CYP3A43: variants seen among roughly 807,000 people sequenced by gnomAD.
The protein encoded by CYP3A43 is cytochrome P450 3A43.
Under a neutral mutation model 58.0 loss-of-function variants are expected in CYP3A43, and 45 were observed. That is an observed-to-expected ratio of 0.78 (90% CI 0.61 to 0.99). The LOEUF (loss-of-function observed/expected upper bound fraction) is 0.99. CYP3A43 is among the 50% of genes least tolerant of loss of function. The probability of loss-of-function intolerance (pLI) is 0.00; values close to 1 mark genes in which losing one functional copy is unlikely to be tolerated. For missense variants in CYP3A43, 593 were observed against 591.9 expected (o/e 1.00, Z -0.02); for synonymous variants, 191 against 201.4 (o/e 0.95, Z 0.44).
chr7:99,861,549 C>T, intron 10 of CYP3A43, 64 bp from the exon 11 acceptor site: 2 of 1,408,542 alleles, frequency 1.4e-6, no homozygotes, highest in Non-Finnish European at 2.0e-6. Context: ...AATAGTACTG[C>T]ATGGACTAAG....
chr7:99,859,480 A>G (rs1162258998), intron 9 of CYP3A43, among the ~76,000 whole-genome samples: 2 of 152,234 alleles, frequency 1.3e-5, no homozygotes, highest in African/African-American at 4.8e-5. Context: ...TTACTTATAG[A>G]TAAAGAACTT....
intron 4 of CYP3A43, among the ~76,000 whole-genome samples, chr7:99,845,369 C>A (rs1817506157): frequency 6.6e-6 from 1 of 151,882 alleles, no homozygotes; most frequent in African/African-American, 2.4e-5. Context: ...GTCACCCAGA[C>A]TGAAGTGCAG....
intron 3 of CYP3A43, chr7:99,839,378 C>A: frequency 2.8e-6 from 2 of 714,070 alleles, no homozygotes; most frequent in Non-Finnish European, 5.1e-6. Context: ...AAACTCCATG[C>A]ATATTCAGTA....
intron 7 of CYP3A43, among the ~76,000 whole-genome samples, chr7:99,850,323 T>C (rs1817711595): frequency 6.6e-6 from 1 of 151,410 alleles, no homozygotes; most frequent in Admixed American, 6.6e-5. Context: ...GTGCAGTGGC[T>C]CAATCTCGGC....
Position 99,844,190 on chromosome 7 carries a change from T to C in CYP3A43, c.266T>C (p.Met89Thr). ...QPMLVIMDPD[M>T]IKTVLVKECY... ...ATGCTGGTCATCATGGATCCCGACA[T>C]GATCAAAACAGTGTTAGTGAAAGAA... Residue 89 changes from methionine to threonine, a missense_variant, in exon 4 of 13, where the codon ATG (methionine) becomes ACG (threonine). Physicochemically the swap from Met to Thr is moderately conservative, Grantham distance 81 (BLOSUM62 -1). Coordinates refer to ENST00000354829, the MANE Select transcript of CYP3A43 (RefSeq NM_057095.3). 1 of 1,613,978 alleles carries C rather than the reference T, an allele frequency of 6.2e-7. No individual in the cohort carries two copies. The highest frequency in any genetic ancestry group is 8.5e-7 in the Non-Finnish European group (1 of 1,179,958).
intron 7 of CYP3A43, among the ~76,000 whole-genome samples, chr7:99,852,188 G>C (rs144213574): frequency 3.9e-5 from 6 of 152,250 alleles, no homozygotes; most frequent in African/African-American, 1.2e-4. Context: ...GTATCACATT[G>C]TCCTGATTAT....
chr7:99,862,805 A>G (rs1372525782), intron 11 of CYP3A43, among the ~76,000 whole-genome samples: 1 of 152,098 alleles, frequency 6.6e-6, no homozygotes, highest in African/African-American at 2.4e-5. Context: ...TGTACATAAT[A>G]CTTGTTGGAA....
At chr7:99,848,018 A>C (rs1038299934) in intron 5 of CYP3A43, 148 bp from the exon 6 acceptor site, 3 of 774,282 alleles carry the variant, frequency 3.9e-6, no homozygotes, top group Admixed American at 5.5e-5. Flanking sequence ...TCTCAAAAAA[A>C]AGGGGCAGGG....
At chr7:99,837,109 T>C (rs1817116187) in intron 2 of CYP3A43, among the ~76,000 whole-genome samples, 1 of 140,988 alleles carries the variant, frequency 7.1e-6, no homozygotes, top group Non-Finnish European at 1.5e-5. Flanking sequence ...ATCGAGACCA[T>C]CCTGGCTAAC....
At chr7:99,865,283 G>GT (rs4646475) in intron 12 of CYP3A43, among the ~76,000 whole-genome samples, 94,013 of 147,864 alleles carry the variant, frequency 0.64, 32,292 homozygotes, top group African/African-American at 0.84. Flanking sequence ...AAGTGACTTG[G>GT]GAGAATGAGG....
At chr7:99,844,366 T>C (rs1584213993) in intron 4 of CYP3A43, 124 bp downstream of exon 4, 1 of 851,834 alleles carries the variant, frequency 1.2e-6, no homozygotes, top group East Asian at 2.7e-5. Flanking sequence ...CCCCCAATGG[T>C]GATGTCTTAT....
rs560376452 is a variant in CYP3A43, at chr7:99,833,604, T to A, written c.72-2849T>A. On this transcript the variant is annotated intron_variant, in intron 1 of 12. Coordinates refer to ENST00000354829, the MANE Select transcript of CYP3A43 (RefSeq NM_057095.3). ...TTCTCTTTTTCAGGGGAAGTTGGGT[T>A]TTTTTCATATACAACTCAGTTTCTG... is the stretch of plus-strand genomic sequence containing the variant. Among the ~76,000 whole-genome samples, 53 of 152,264 alleles carry A rather than the reference T, an allele frequency of 3.5e-4. No homozygotes were observed. In the South Asian group the frequency reaches 8.9e-3, roughly 26 times the overall value.
rs763023433 is a variant in CYP3A43, at chr7:99,855,555, A to G, written c.671-36A>G. The G allele has an allele frequency of 1.3e-5, 21 of 1,574,636 alleles. No homozygotes were observed. In the East Asian group the frequency reaches 4.3e-4, roughly 32 times the overall value. ...GGTAAATTTCACATTTTTCACTATG[A>G]TTTATTTTTTCTTTTTCTATTTAAT... On this transcript the variant is annotated intron_variant, in intron 7 of 12. Transcript: ENST00000354829.
At chr7:99,861,902 T>C in intron 11 of CYP3A43, 63 bp downstream of exon 11, 1 of 1,406,780 alleles carries the variant, frequency 7.1e-7, no homozygotes, top group Non-Finnish European at 9.8e-7. Flanking sequence ...ATTCTGCCTC[T>C]CTCGATGCAC....
chr7:99,830,197 G>GC (rs1816787269), intron 1 of CYP3A43, among the ~76,000 whole-genome samples: 1 of 152,072 alleles, frequency 6.6e-6, no homozygotes, highest in Non-Finnish European at 1.5e-5. Context: ...ATGGTCTTGA[G>GC]CCCCCTCCCT....
chr7:99,835,010 C>T (rs767104482), intron 1 of CYP3A43, among the ~76,000 whole-genome samples: 2 of 152,088 alleles, frequency 1.3e-5, no homozygotes, highest in Non-Finnish European at 2.9e-5. Context: ...GGGGGAAGCT[C>T]GGGCACCGGC....
intron 7 of CYP3A43, chr7:99,850,018 G>A (rs573649103): frequency 4.5e-6 from 2 of 442,184 alleles, no homozygotes; most frequent in Admixed American, 5.0e-5. Context: ...AGTGCATGGT[G>A]CGATCTGGGC....
Position 99,839,457 on chromosome 7 carries a change from T to G in CYP3A43, c.218+285T>G, listed in dbSNP as rs1010891411. ...CAAAGGGAAAATCGAGCTTGAGAATTAAGTCATACCTTACTGCCTTCCTTT... is the reference window on the plus strand; with the variant it reads ...CAAAGGGAAAATCGAGCTTGAGAATGAAGTCATACCTTACTGCCTTCCTTT... On this transcript the variant is annotated intron_variant, in intron 3 of 12. Transcript: ENST00000354829. The G allele has an allele frequency of 6.5e-6, 4 of 615,432 alleles. No homozygotes were observed. In the Admixed American group the frequency reaches 8.5e-5, roughly 13 times the overall value. 38.1% of individuals were successfully genotyped at this position (615,432 alleles called of 1,614,324 possible). A position where few individuals can be genotyped will look rare whatever the true frequency, so the allele number is the denominator to read the frequency against.
intron 7 of CYP3A43, among the ~76,000 whole-genome samples, chr7:99,853,623 G>A (rs1817846010): frequency 6.6e-6 from 1 of 152,216 alleles, no homozygotes. Flanking sequence ...ATGGCACGAT[G>A]TTGGCTCACT....
Sources: allele counts gnomAD v4.1 joint callset (sites outside exome capture counted in the v4.1 genomes callset), GRCh38; gene constraint gnomAD v4.1.1; transcripts MANE v1.5; gene names NCBI Gene and HGNC (gene_info 2026-07-23, HGNC 2026-07-21).